DRAXIN: variants seen among roughly 807,000 people sequenced by gnomAD.
DRAXIN encodes dorsal repulsive axon guidance protein.
A neutral mutation model predicts 33.9 loss-of-function variants in DRAXIN; 27 were observed. The ratio of observed to expected loss-of-function variants is 0.80; its 90% CI spans 0.59 to 1.10. DRAXIN has a LOEUF of 1.10. Among genes scored for constraint, DRAXIN ranks in the 50% least tolerant of loss-of-function variants. The probability of loss-of-function intolerance (pLI) is 0.00; values close to 1 mark genes in which losing one functional copy is unlikely to be tolerated. For missense variants in DRAXIN, 371 were observed against 460.8 expected (o/e 0.81, Z 1.78); for synonymous variants, 178 against 194.0 (o/e 0.92, Z 0.69).
At chr1:11,709,911 G>A (rs903921805) in intron 3 of DRAXIN, among the ~76,000 whole-genome samples, 15 of 152,226 alleles carry the variant, frequency 9.9e-5, no homozygotes, top group African/African-American at 2.9e-4. Context: ...TGTGGGCTGG[G>A]CGCGGTGGCT....
chr1:11,706,066 T>C lies in DRAXIN; in HGVS notation c.-10-183T>C, dbSNP rs1293637484. 6.6e-6 allele frequency among the ~76,000 whole-genome samples: 1 copy of C among 152,202 alleles called. No individual in the cohort carries two copies. Among genetic ancestry groups the C allele is most frequent in the African/African-American group, 2.4e-5 (1 of 41,460 alleles). ...TTAGCAGCATCCACGGGCTCCAACCTCTACCTGCCAGTAGCACTCCCCAGT... is the reference window on the plus strand; with the variant it reads ...TTAGCAGCATCCACGGGCTCCAACCCCTACCTGCCAGTAGCACTCCCCAGT... On this transcript the variant is annotated intron_variant, in intron 1 of 6. Coordinates refer to ENST00000294485, the MANE Select transcript of DRAXIN (RefSeq NM_198545.4). This position sits in a 1 kb window ranked among gnomAD's most constrained non-coding sequence, Gnocchi z 5.5.
intron 5 of DRAXIN, among the ~76,000 whole-genome samples, chr1:11,713,551 T>C (rs1221278658): frequency 6.6e-6 from 1 of 152,164 alleles, no homozygotes; most frequent in Admixed American, 6.5e-5. Context: ...CTGGGGGCCC[T>C]TGGGGGTCCG....
At chr1:11,707,272 G>T (rs1415092461) in intron 2 of DRAXIN, among the ~76,000 whole-genome samples, 2 of 152,180 alleles carry the variant, frequency 1.3e-5, no homozygotes, top group Non-Finnish European at 2.9e-5. Flanking sequence ...CCTTGTATCT[G>T]ACCTAAATTT....
intron 1 of DRAXIN, among the ~76,000 whole-genome samples, chr1:11,703,002 C>T (rs142043167): frequency 5.3e-5 from 8 of 152,342 alleles, no homozygotes; most frequent in African/African-American, 1.9e-4. Context: ...CTTGGCCTCC[C>T]AAAGTGCTGG....
In DRAXIN at chr1:11,702,952, A is replaced by G. The variant is rs577292625; in HGVS notation, c.-10-3297A>G. Among the ~76,000 whole-genome samples, 6 of 152,302 alleles carry G rather than the reference A, an allele frequency of 3.9e-5. No individual in the cohort carries two copies. In the East Asian group the frequency reaches 1.2e-3, roughly 29 times the overall value. ...GAGGCGGGGCTTCACCATGCTGGCCAGGCTGGCCTCGAACTCCTGACCTCA... is the reference window on the plus strand; with the variant it reads ...GAGGCGGGGCTTCACCATGCTGGCCGGGCTGGCCTCGAACTCCTGACCTCA... On this transcript the variant is annotated intron_variant, in intron 1 of 6. Transcript: ENST00000294485.
chr1:11,696,002 A>T lies in DRAXIN; in HGVS notation c.-11+4149A>T, dbSNP rs1641185338. 6.6e-6 allele frequency among the ~76,000 whole-genome samples: 1 copy of T among 152,174 alleles called. No homozygotes were observed. Among genetic ancestry groups the T allele is most frequent in the South Asian group, 2.1e-4 (1 of 4,832 alleles). On this transcript the variant is annotated intron_variant, in intron 1 of 6. Transcript: ENST00000294485. This position sits in a 1 kb window ranked among gnomAD's most constrained non-coding sequence, Gnocchi z 4.7. ...CAAGGCTGCTGTCGGAAACAATAAAAGCAGATGGAGCTGCCCCTGCAGGGA... is the reference window on the plus strand; with the variant it reads ...CAAGGCTGCTGTCGGAAACAATAAATGCAGATGGAGCTGCCCCTGCAGGGA...
Position 11,715,052 on chromosome 1 carries a change from C to T in DRAXIN, c.848-67C>T, listed in dbSNP as rs1641554266. 4.6e-5 allele frequency: 72 copies of T among 1,568,592 alleles called. 1 individual carries two copies. In the South Asian group the frequency reaches 7.8e-4, roughly 17 times the overall value. ...ATGATGGATCTCTTGTCCAGTGGGACCGAGTGCAGGGCTGCGGGGAGGGGC... is the reference window on the plus strand; with the variant it reads ...ATGATGGATCTCTTGTCCAGTGGGATCGAGTGCAGGGCTGCGGGGAGGGGC... On this transcript the variant is annotated intron_variant, in intron 5 of 6. Coordinates refer to ENST00000294485, the MANE Select transcript of DRAXIN (RefSeq NM_198545.4).
In DRAXIN at chr1:11,696,517, C is replaced by T. The variant is rs987741662; in HGVS notation, c.-11+4664C>T. Among the ~76,000 whole-genome samples the T allele has an allele frequency of 1.1e-4, 17 of 151,904 alleles. No homozygotes were observed. The highest frequency in any genetic ancestry group is 4.1e-4 in the African/African-American group (17 of 41,326). On this transcript the variant is annotated intron_variant, in intron 1 of 6. Transcript: ENST00000294485. The surrounding 1 kb of genome is among the most constrained non-coding windows in gnomAD (Gnocchi z 4.7). ...AGGAGAATCGCTTGAACCTGGGAGG[C>T]GGAGGTTGCAGTTAGCTGAGATTGT...
intron 5 of DRAXIN, among the ~76,000 whole-genome samples, chr1:11,714,850 G>T (rs1173550905): frequency 6.6e-6 from 1 of 152,202 alleles, no homozygotes; most frequent in South Asian, 2.1e-4. Flanking sequence ...GCTCTGTCTG[G>T]GAGGAGACCT....
chr1:11,709,125 G>T, intron 2 of DRAXIN, 150 bp from the exon 3 acceptor site: 3 of 773,056 alleles, frequency 3.9e-6, no homozygotes, highest in Non-Finnish European at 5.8e-6. Flanking sequence ...CTCCCAAGAA[G>T]GGTAGGAAGC....
upstream of DRAXIN, among the ~76,000 whole-genome samples, chr1:11,691,061 AC>A (rs1272115364): frequency 6.6e-6 from 1 of 151,390 alleles, no homozygotes; most frequent in Non-Finnish European, 1.5e-5. Flanking sequence ...GACCCTTTGT[AC>A]CCCTACATCC....
At chr1:11,688,471 G>A (rs370055486), upstream of DRAXIN, among the ~76,000 whole-genome samples, 22 of 152,174 alleles carry the variant, frequency 1.4e-4, 3 homozygotes, top group East Asian at 1.9e-4. The surrounding 1 kb of genome is among the most constrained non-coding windows in gnomAD (Gnocchi z 4.6). Context: ...TGAGGCAGGC[G>A]AATCGCTTGA....
chr1:11,715,335 C>T (rs918398245), intron 6 of DRAXIN, 127 bp downstream of exon 6: 33 of 1,147,990 alleles, frequency 2.9e-5, no homozygotes, highest in South Asian at 1.2e-4. Context: ...CATGGGCCTG[C>T]GGCGGGGGTG....
chr1:11,708,974 A>G lies in DRAXIN; in HGVS notation c.452-301A>G, dbSNP rs183675742. Among the ~76,000 whole-genome samples the G allele has an allele frequency of 1.6e-4, 24 of 152,238 alleles. No individual in the cohort carries two copies. The East Asian group carries it at 3.9e-3, about 24-fold the overall frequency. ...AATCCTACTAGTTCCTATTTGTTATACTTACATATCTGGCTGCGCCCAGCC... is the reference window on the plus strand; with the variant it reads ...AATCCTACTAGTTCCTATTTGTTATGCTTACATATCTGGCTGCGCCCAGCC... On this transcript the variant is annotated intron_variant, in intron 2 of 6. Transcript: ENST00000294485.
chr1:11,697,976 G>A (rs1011951562), intron 1 of DRAXIN, among the ~76,000 whole-genome samples: 4 of 152,066 alleles, frequency 2.6e-5, no homozygotes, highest in Non-Finnish European at 4.4e-5. Flanking sequence ...CACCCAGCAG[G>A]GCAGCTGCTG....
chr1:11,706,372 T>A lies in DRAXIN; in HGVS notation c.114T>A (p.Pro38=). Residue 38 remains proline, a synonymous_variant, in exon 2 of 7, where the codon CCT becomes CCA. Coordinates refer to ENST00000294485, the MANE Select transcript of DRAXIN (RefSeq NM_198545.4). The surrounding 1 kb of genome is among the most constrained non-coding windows in gnomAD (Gnocchi z 5.5). ...LAPGTPARNL[P]ENHIDLPGPA... is the part of the protein sequence containing the mutation. ...CTGGGACCCCTGCCCGGAACCTCCC[T>A]GAGAATCACATTGACCTCCCAGGCC... 6.2e-7 allele frequency: 1 copy of A among 1,613,792 alleles called. No individual in the cohort carries two copies. The highest frequency in any genetic ancestry group is 8.5e-7 in the Non-Finnish European group (1 of 1,179,986).
intron 1 of DRAXIN, among the ~76,000 whole-genome samples, chr1:11,697,804 G>C (rs78861733): frequency 6.6e-6 from 1 of 152,200 alleles, no homozygotes; most frequent in African/African-American, 2.4e-5. Context: ...AGAAAGACCC[G>C]TGGAGGGGTA....
chr1:11,716,107 G>A (rs905598946), intron 6 of DRAXIN, among the ~76,000 whole-genome samples: 3 of 152,194 alleles, frequency 2.0e-5, no homozygotes, highest in Non-Finnish European at 4.4e-5. Flanking sequence ...GACCTCAAGC[G>A]ATCCACCTGT....
At chr1:11,707,157 C>T (rs900326533) in intron 2 of DRAXIN, among the ~76,000 whole-genome samples, 1 of 152,132 alleles carries the variant, frequency 6.6e-6, no homozygotes, top group Non-Finnish European at 1.5e-5. Context: ...GCTGAGATGG[C>T]GCCACTGCAC....
Sources: allele counts gnomAD v4.1 joint callset (sites outside exome capture counted in the v4.1 genomes callset), GRCh38; gene constraint gnomAD v4.1.1; non-coding constraint Gnocchi (gnomAD v3.1); transcripts MANE v1.5; gene names NCBI Gene and HGNC (gene_info 2026-07-23, HGNC 2026-07-21).